The following RSPH14 variants were observed in gnomAD, a reference collection of about 807,000 sequenced individuals.
RSPH14 encodes radial spoke head 14 homolog.
In RSPH14, 20 loss-of-function variants were observed where a neutral mutation model predicts 26.7. The ratio of observed to expected loss-of-function variants is 0.75; its 90% CI spans 0.53 to 1.09. The LOEUF is 1.09. Among genes scored for constraint, RSPH14 ranks in the 50% least tolerant of loss-of-function variants. The probability of loss-of-function intolerance (pLI) is 0.00; values close to 1 mark genes in which losing one functional copy is unlikely to be tolerated. For synonymous variants in RSPH14, 177 were observed against 189.3 expected, an observed-to-expected ratio of 0.93 and a Z score of 0.53; for missense variants, 449 against 457.2, an observed-to-expected ratio of 0.98 and a Z score of 0.16.
intron 4 of RSPH14, among the ~76,000 whole-genome samples, chr22:23,127,079 G>T (rs552188180): frequency 2.2e-4 from 34 of 152,294 alleles, no homozygotes; most frequent in Middle Eastern, 3.4e-3. Context: ...GACCTGAGGG[G>T]CTTTACTCTG....
intron 4 of RSPH14, chr22:23,124,036 G>C (rs1000690000): frequency 4.3e-6 from 1 of 233,796 alleles, no homozygotes; most frequent in Non-Finnish European, 8.6e-6. Flanking sequence ...GCCACTCACA[G>C]CTCTTTTTAA....
rs16997857 is a variant in RSPH14 at position 23,140,295 on chromosome 22, C to T, written c.126G>A (p.Thr42=). ...ACAAGGCCATGAGGGCTTTCTGCCTCGTCTGGAGGTCCTCTGACTGCAGCT... is the reference window on the plus strand; with the variant it reads ...ACAAGGCCATGAGGGCTTTCTGCCTTGTCTGGAGGTCCTCTGACTGCAGCT... ...KEELQSEDLQ[T]RQKALMALCD... is the part of the protein sequence containing the mutation. Residue 42 remains threonine (T), a synonymous_variant, in exon 2 of 7, where the codon ACG becomes ACA. Coordinates refer to ENST00000216036, the MANE Select transcript of RSPH14 (RefSeq NM_014433.3). 1,973 of 1,614,168 alleles carry T rather than the reference C, an allele frequency of 1.2e-3. 28 individuals are homozygous for T. The South Asian group carries it at 0.013, about 10-fold the overall frequency.
chr22:23,145,496 C>T (rs1242548241), upstream of RSPH14: 2 of 1,607,598 alleles, frequency 1.2e-6, no homozygotes, highest in Non-Finnish European at 1.7e-6. Context: ...GTGATCGCCG[C>T]CGCTGGCTCA....
At chr22:23,098,273 C>T (rs1026664974) in intron 4 of RSPH14, among the ~76,000 whole-genome samples, 1 of 152,238 alleles carries the variant, frequency 6.6e-6, no homozygotes, top group Admixed American at 6.5e-5. Flanking sequence ...GTACCCCTGC[C>T]CTTATCCTCC....
chr22:23,064,067 T>A lies in RSPH14; in HGVS notation c.488A>T (p.Glu163Val), dbSNP rs780971104. The part of the protein sequence containing the change: ...SLVWKLQVEV[E>V]EEEFQEFILD... ...GATGAACTCCTGGAACTCCTCCTCC[T>A]CCACCTCCACCTGCAGCTTCCATAC... Residue 163 changes from glutamate to valine, a missense_variant, in exon 5 of 7, where the codon GAG becomes GTG. By Grantham distance (121) the Glu-to-Val change is moderately radical. Transcript: ENST00000216036. 1 of 1,614,112 alleles carries A rather than the reference T, an allele frequency of 6.2e-7. No homozygotes were observed. Among genetic ancestry groups the A allele is most frequent in the Non-Finnish European group, 8.5e-7 (1 of 1,179,992 alleles).
the RSPH14 span, chr22:23,179,909 G>A: frequency 2.2e-4 from 56 of 260,314 alleles, no homozygotes; most frequent in Non-Finnish European, 3.6e-4. Flanking sequence ...TGAGGTGTGA[G>A]GAACTTACCT....
intron 4 of RSPH14, among the ~76,000 whole-genome samples, chr22:23,099,086 C>T (rs981707027): frequency 7.9e-5 from 12 of 152,232 alleles, no homozygotes; most frequent in African/African-American, 2.4e-4. Context: ...CTTCCAAGGC[C>T]TCATCTTCCC....
At chr22:23,158,963 C>A in the RSPH14 span, 1 of 1,614,178 alleles carries the variant, frequency 6.2e-7, no homozygotes, top group Non-Finnish European at 8.5e-7. Context: ...CTCGTGGGAA[C>A]CAAGAAGGAC....
intron 4 of RSPH14, among the ~76,000 whole-genome samples, chr22:23,130,142 A>G (rs2070310489): frequency 1.7e-5 from 2 of 119,224 alleles, no homozygotes; most frequent in African/African-American, 6.2e-5. Context: ...AAAGAAAGAA[A>G]GAAAGAAAGA....
rs2070494295 is a variant in RSPH14, at chr22:23,136,936, G to C, written c.302+1904C>G. ...TGCCCAGATCACAGAGCAGGAAAGA[G>C]TGGGCCCCCCAAAAGGCTGGGGCTT... On this transcript the variant is annotated intron_variant, in intron 3 of 6. Transcript: ENST00000216036. Among the ~76,000 whole-genome samples the C allele has an allele frequency of 2.2e-5, 3 of 138,942 alleles. 1 individual carries two copies. Among genetic ancestry groups the C allele is most frequent in the African/African-American group, 7.7e-5 (3 of 39,026 alleles). The allele number at this position is 138,942 out of a possible 152,430, so 91.2% of individuals were successfully genotyped here. A position where few individuals can be genotyped will look rare whatever the true frequency, so the allele number is the denominator to read the frequency against.
At chr22:23,161,124 CTCCTCTCAGGGTG>C in the RSPH14 span, 1 of 1,229,932 alleles carries the variant, frequency 8.1e-7, no homozygotes, top group Non-Finnish European at 1.1e-6. Context: ...TCCTTTGACC[CTCCTCTCAGGGTG>C]TCACTGCAGC....
chr22:23,073,570 C>T (rs902747736), intron 4 of RSPH14, among the ~76,000 whole-genome samples: 1 of 152,208 alleles, frequency 6.6e-6, no homozygotes, highest in Non-Finnish European at 1.5e-5. Flanking sequence ...CCTGCCCTGT[C>T]CCCACACCAG....
At chr22:23,153,385 A>C in the RSPH14 span, 1 of 199,772 alleles carries the variant, frequency 5.0e-6, no homozygotes. Context: ...CCTGCCCATG[A>C]CCTCCCCAAT....
upstream of RSPH14, chr22:23,141,998 C>T (rs1237062094): frequency 3.0e-6 from 3 of 985,442 alleles, no homozygotes; most frequent in Non-Finnish European, 3.6e-6. Context: ...ACTGGCCAAC[C>T]TATTCAGTTG....
chr22:23,097,064 G>A (rs2069146156), intron 4 of RSPH14, among the ~76,000 whole-genome samples: 1 of 152,218 alleles, frequency 6.6e-6, no homozygotes, highest in African/African-American at 2.4e-5. Flanking sequence ...ACAGCCAGGA[G>A]TGGCAGCGGT....
Position 23,087,009 on chromosome 22 carries a change from A to G in RSPH14, c.422-22876T>C, listed in dbSNP as rs566293800. Among the ~76,000 whole-genome samples the G allele has an allele frequency of 7.2e-5, 11 of 152,348 alleles. No individual in the cohort carries two copies. In the South Asian group the frequency reaches 1.9e-3, roughly 26 times the overall value. On this transcript the variant is annotated intron_variant, in intron 4 of 6. Transcript: ENST00000216036. ...ATGCGGCTCCGATAAGTCGGGCGTA[A>G]AAGGGCAGTGGAAAGTGCTTCCTCA...
intron 5 of RSPH14, among the ~76,000 whole-genome samples, chr22:23,063,013 G>A (rs763373214): frequency 1.6e-4 from 24 of 152,214 alleles, no homozygotes; most frequent in African/African-American, 4.3e-4. Flanking sequence ...ACAAAGTAAC[G>A]GCAGGGATGG....
At chr22:23,090,778 A>G (rs1601781590) in intron 4 of RSPH14, among the ~76,000 whole-genome samples, 1 of 151,948 alleles carries the variant, frequency 6.6e-6, no homozygotes, top group East Asian at 1.9e-4. Flanking sequence ...CTGGAGCTCC[A>G]TTTCCACTGT....
chr22:23,061,777 C>T, intron 6 of RSPH14, 32 bp downstream of exon 6: 2 of 1,612,412 alleles, frequency 1.2e-6, no homozygotes, highest in African/African-American at 1.3e-5. Flanking sequence ...CTGCTAGGGT[C>T]TCCCTCCCTG....
Sources: gnomAD v4.1 joint callset for allele counts (sites outside exome capture counted in the v4.1 genomes callset) on GRCh38, gnomAD v4.1.1 for gene constraint, MANE v1.5 for transcripts, NCBI Gene and HGNC (gene_info 2026-07-23, HGNC 2026-07-21) for gene names.